The following SH3BP5 variants were observed in gnomAD, a reference collection of about 807,000 sequenced individuals.
SH3BP5 encodes the protein SH3 domain-binding protein 5.
SH3BP5 carries 22 observed loss-of-function variants against 43.3 expected under a neutral mutation model. That is an observed-to-expected ratio of 0.51 (90% CI 0.36 to 0.73). SH3BP5 has a LOEUF of 0.73. Among genes scored for constraint, SH3BP5 ranks in the 30% least tolerant of loss-of-function variants. The pLI is 0.00. For missense variants in SH3BP5, 529 were observed against 586.9 expected, an observed-to-expected ratio of 0.90 and a Z score of 1.02; for synonymous variants, 255 against 225.8, an observed-to-expected ratio of 1.13 and a Z score of -1.16.
intron 3 of SH3BP5, among the ~76,000 whole-genome samples, chr3:15,286,940 T>C (rs1697281117): frequency 6.6e-6 from 1 of 152,198 alleles, no homozygotes; most frequent in Non-Finnish European, 1.5e-5. Context: ...CAATTTCTGC[T>C]CTCAAGGAGC....
At chr3:15,323,279 G>A (rs61669624) in intron 2 of SH3BP5, among the ~76,000 whole-genome samples, 20,484 of 152,194 alleles carry the variant, frequency 0.13, 1,645 homozygotes, top group East Asian at 0.32. Flanking sequence ...TGGCCTGTAT[G>A]AGCCCTCCCT....
chr3:15,278,030 T>G (rs1303858024), intron 3 of SH3BP5, among the ~76,000 whole-genome samples: 1 of 152,168 alleles, frequency 6.6e-6, no homozygotes, highest in Non-Finnish European at 1.5e-5. Context: ...CCCAGCCAAA[T>G]GACAGGTCGG....
At chr3:15,299,846 G>A (rs1392527029) in intron 3 of SH3BP5, among the ~76,000 whole-genome samples, 1 of 151,940 alleles carries the variant, frequency 6.6e-6, no homozygotes, top group Non-Finnish European at 1.5e-5. Flanking sequence ...CACTGGAATA[G>A]ACAGACATGG....
chr3:15,274,255 AAAAGAAAGAAAG>A (rs201056406), intron 3 of SH3BP5, among the ~76,000 whole-genome samples: 1 of 151,058 alleles, frequency 6.6e-6, no homozygotes, highest in South Asian at 2.1e-4. Flanking sequence ...CAACAAAAAA[AAAAGAAAGAAAG>A]AAAGAAAGAA....
At chr3:15,305,780 T>C (rs1379018978) in intron 2 of SH3BP5, among the ~76,000 whole-genome samples, 2 of 152,054 alleles carry the variant, frequency 1.3e-5, no homozygotes, top group African/African-American at 4.8e-5. Flanking sequence ...TGGCCATCCA[T>C]CCTGGCGACA....
chr3:15,305,812 G>A (rs1697887168), intron 2 of SH3BP5, among the ~76,000 whole-genome samples: 1 of 152,088 alleles, frequency 6.6e-6, no homozygotes, highest in African/African-American at 2.4e-5. Flanking sequence ...CTTGGACCTT[G>A]ATAGGAGTTA....
At chr3:15,314,702 C>T (rs981947834) in intron 2 of SH3BP5, among the ~76,000 whole-genome samples, 2 of 152,152 alleles carry the variant, frequency 1.3e-5, no homozygotes, top group Admixed American at 6.5e-5. Flanking sequence ...GGTGAAACAG[C>T]CCCAAGGTGA....
rs151209669 is a variant in SH3BP5, at chr3:15,258,997, G to T, written c.723C>A (p.Gly241=). 1.5e-5 allele frequency: 24 copies of T among 1,614,052 alleles called. No individual in the cohort carries two copies. In the African/African-American group the frequency reaches 2.9e-4, roughly 20 times the overall value. The change falls in exon 7 of 9, where the codon GGC becomes GGA. Residue 241 remains glycine, a synonymous_variant. Transcript: ENST00000383791. ...GGTTCTTCAGGGCCATCTTGTACTC[G>T]CCTTTTGCCAGGGTCAGTTTGGCCT... is the stretch of plus-strand genomic sequence containing the variant. ...DLQAKLTLAK[G]EYKMALKNLE... is the part of the protein sequence containing the mutation.
intron 3 of SH3BP5, among the ~76,000 whole-genome samples, chr3:15,286,444 A>C (rs1697267309): frequency 6.6e-6 from 1 of 152,248 alleles, no homozygotes; most frequent in African/African-American, 2.4e-5. Context: ...TGGAACTGAG[A>C]ATGAAAAAGG....
intron 3 of SH3BP5, among the ~76,000 whole-genome samples, chr3:15,294,322 TGTGTGTGTGCGC>T (rs375664624): frequency 0.021 from 3,082 of 144,176 alleles, 117 homozygotes; most frequent in African/African-American, 0.078. Flanking sequence ...TGTGTGTGTG[TGTGTGTGTGCGC>T]GCGCATGTTT....
At chr3:15,336,305 G>C (rs1212645753), upstream of SH3BP5, among the ~76,000 whole-genome samples, 1 of 152,174 alleles carries the variant, frequency 6.6e-6, no homozygotes, top group Non-Finnish European at 1.5e-5. Flanking sequence ...CAGGGAGAGA[G>C]GGAGGGAGAT....
chr3:15,294,601 T>C (rs1021810290), intron 3 of SH3BP5, among the ~76,000 whole-genome samples: 3 of 152,100 alleles, frequency 2.0e-5, no homozygotes, highest in Non-Finnish European at 4.4e-5. Flanking sequence ...GGCCCAGTCT[T>C]TGGGCTCCAA....
At chr3:15,269,626 G>A in intron 4 of SH3BP5, 87 bp downstream of exon 4, 1 of 1,375,576 alleles carries the variant, frequency 7.3e-7, no homozygotes, top group Non-Finnish European at 9.8e-7. Flanking sequence ...CAACATGCCT[G>A]GGAGTCGAGT....
intron 5 of SH3BP5, among the ~76,000 whole-genome samples, chr3:15,261,913 A>T (rs1048615712): frequency 2.6e-5 from 4 of 152,162 alleles, no homozygotes; most frequent in Non-Finnish European, 5.9e-5. Flanking sequence ...TGCCTTTGAA[A>T]TTCCTTTTTC....
intron 3 of SH3BP5, among the ~76,000 whole-genome samples, chr3:15,280,329 G>T (rs1697087735): frequency 6.6e-6 from 1 of 151,930 alleles, no homozygotes; most frequent in African/African-American, 2.4e-5. Flanking sequence ...GAATCGACTG[G>T]CCAGGTGCAA....
intron 3 of SH3BP5, among the ~76,000 whole-genome samples, chr3:15,289,271 T>C (rs1559441242): frequency 6.6e-6 from 1 of 152,216 alleles, no homozygotes; most frequent in Non-Finnish European, 1.5e-5. Flanking sequence ...CAGCTACCTG[T>C]GACTACCTGA....
intron 3 of SH3BP5, among the ~76,000 whole-genome samples, chr3:15,297,900 A>G (rs1054018541): frequency 6.6e-6 from 1 of 152,020 alleles, no homozygotes; most frequent in African/African-American, 2.4e-5. Context: ...AGCTAAATAA[A>G]TGTTTTAAGC....
chr3:15,332,385 G>A lies in SH3BP5; in HGVS notation c.24C>T (p.Ser8=). ...GGATTTCGGCTGGCTCCTCCGAGCG[G>A]CTCCGCTTCAGTGCCGCGTCCATGC... MDAALKR[S]RSEEPAEILP... The change falls in exon 1 of 9, where the codon AGC becomes AGT. Residue 8 remains serine, a synonymous_variant. Coordinates refer to ENST00000383791, the MANE Select transcript of SH3BP5 (RefSeq NM_004844.5). The A allele has an allele frequency of 6.5e-7, 1 of 1,537,890 alleles. No homozygotes were observed. Among genetic ancestry groups the A allele is most frequent in the Non-Finnish European group, 8.7e-7 (1 of 1,147,314 alleles).
chr3:15,307,253 G>C (rs761832161), intron 2 of SH3BP5, among the ~76,000 whole-genome samples: 2 of 152,132 alleles, frequency 1.3e-5, no homozygotes, highest in Non-Finnish European at 2.9e-5. Flanking sequence ...TATCAGACCA[G>C]GCTTAGGGTC....
Sources: allele counts gnomAD v4.1 joint callset (sites outside exome capture counted in the v4.1 genomes callset), GRCh38; gene constraint gnomAD v4.1.1; transcripts MANE v1.5; gene names NCBI Gene and HGNC (gene_info 2026-07-23, HGNC 2026-07-21).